ADAMTS5: variants seen among roughly 807,000 people sequenced by gnomAD.
ADAMTS5 encodes the protein A disintegrin and metalloproteinase with thrombospondin motifs 5.
Under a neutral mutation model 81.4 loss-of-function variants are expected in ADAMTS5, and 54 were observed. The ratio of observed to expected loss-of-function variants is 0.66; its 90% confidence interval spans 0.53 to 0.83. The LOEUF (loss-of-function observed/expected upper bound fraction) is 0.83, where lower values mean the gene tolerates loss of function less well. Ranked by LOEUF, ADAMTS5 falls within the 40% of genes least tolerant of loss-of-function variation. The pLI is 0.00. For synonymous variants in ADAMTS5, 532 were observed against 508.8 expected (o/e 1.05, Z -0.61); for missense variants, 1,194 against 1,229.9 (o/e 0.97, Z 0.44).
intron 7 of ADAMTS5, among the ~76,000 whole-genome samples, chr21:26,926,139 C>T (rs1000137267): frequency 5.3e-5 from 8 of 152,124 alleles, no homozygotes; most frequent in Non-Finnish European, 1.2e-4. Context: ...GGGATGGTGG[C>T]GCATGCCTAT....
intron 1 of ADAMTS5, among the ~76,000 whole-genome samples, chr21:26,955,836 C>A (rs1371710959): frequency 6.6e-6 from 1 of 152,084 alleles, no homozygotes; most frequent in Non-Finnish European, 1.5e-5. Context: ...TCCCAAAGAG[C>A]AAGATCGTGT....
intron 7 of ADAMTS5, 148 bp downstream of exon 7, chr21:26,929,738 C>T: frequency 1.6e-6 from 1 of 644,278 alleles, no homozygotes; most frequent in Non-Finnish European, 2.3e-6. Context: ...CTGTCTCTTC[C>T]TTCTCATATT....
intron 1 of ADAMTS5, among the ~76,000 whole-genome samples, chr21:26,962,212 A>G (rs1170189058): frequency 2.7e-5 from 1 of 37,468 alleles, no homozygotes; most frequent in Non-Finnish European, 5.8e-5. Flanking sequence ...CAAATGGTCT[A>G]AAAAAAAACG....
chr21:26,918,073 C>A lies in ADAMTS5; in HGVS notation c.*5980G>T, dbSNP rs1359173405. 6.6e-6 allele frequency: 1 copy of A among 152,316 alleles called. No individual in the cohort carries two copies. The highest frequency in any genetic ancestry group is 2.4e-5 in the African/African-American group (1 of 41,408). 9.4% of individuals were successfully genotyped at this position (152,316 alleles called of 1,614,324 possible). On this transcript the variant is annotated 3_prime_UTR_variant, in exon 8 of 8. Coordinates refer to ENST00000284987, the MANE Select transcript of ADAMTS5 (RefSeq NM_007038.5). ...AGTATAGGTCCCAAACGGCTCAGTT[C>A]AAGTCTTTTACCTGAATAACAGAGC...
Position 26,932,857 on chromosome 21 carries a change from G to T in ADAMTS5, c.1873+4C>A, listed in dbSNP as rs191241552. ...ATGGTTGCTGACACTTGGGAGCAGC[G>T]TACCATTGGGTGGGCAGGGCATGAG... On this transcript the variant is annotated splice_donor_region_variant and intron_variant, in intron 5 of 7. Coordinates refer to ENST00000284987, the MANE Select transcript of ADAMTS5 (RefSeq NM_007038.5). 1 of 1,604,068 alleles carries T rather than the reference G, an allele frequency of 6.2e-7. No individual in the cohort carries two copies. Among genetic ancestry groups the T allele is most frequent in the South Asian group, 1.1e-5 (1 of 88,952 alleles).
intron 2 of ADAMTS5, among the ~76,000 whole-genome samples, chr21:26,951,764 G>A (rs543893051): frequency 9.3e-5 from 13 of 140,182 alleles, no homozygotes; most frequent in African/African-American, 3.5e-4. Context: ...AATTAGAATC[G>A]AGAGCATGGT....
chr21:26,926,411 A>G (rs1043993767), intron 7 of ADAMTS5, among the ~76,000 whole-genome samples: 3 of 152,172 alleles, frequency 2.0e-5, no homozygotes, highest in Non-Finnish European at 4.4e-5. Flanking sequence ...CGTGGCTCAC[A>G]CCTGTAATCC....
rs994517613 is a variant in ADAMTS5 at position 26,922,107 on chromosome 21, A to G, written c.*1946T>C. The G allele has an allele frequency of 5.9e-5, 9 of 151,906 alleles. No individual in the cohort carries two copies. The highest frequency in any genetic ancestry group is 7.2e-5 in the African/African-American group (3 of 41,388). The allele number at this position is 151,906 out of a possible 1,614,324, so 9.4% of individuals were successfully genotyped here. On this transcript the variant is annotated 3_prime_UTR_variant, in exon 8 of 8. Coordinates refer to ENST00000284987, the MANE Select transcript of ADAMTS5 (RefSeq NM_007038.5). ...ACTAGGTTTGCTTTCTGCCCTTGGC[A>G]TTGGGTGATCTCCATCACATATAGG...
chr21:26,964,579 GA>G (rs1162026311), intron 1 of ADAMTS5, among the ~76,000 whole-genome samples: 1 of 152,186 alleles, frequency 6.6e-6, no homozygotes, highest in Non-Finnish European at 1.5e-5. Flanking sequence ...CAGTGCTTGC[GA>G]CGCACTGGTC....
chr21:26,937,170 C>A (rs1311843429), intron 3 of ADAMTS5, among the ~76,000 whole-genome samples: 2 of 149,734 alleles, frequency 1.3e-5, no homozygotes, highest in African/African-American at 4.9e-5. Context: ...TTCTACCTCA[C>A]TAGTAGATGA....
chr21:26,964,293 C>T (rs569384956), intron 1 of ADAMTS5, among the ~76,000 whole-genome samples: 1 of 152,254 alleles, frequency 6.6e-6, no homozygotes, highest in South Asian at 2.1e-4. Flanking sequence ...CCAAACCAAC[C>T]CAGACTTTTT....
rs530157538 is a variant in ADAMTS5, at chr21:26,923,830, C to G, written c.*223G>C. 2.5e-5 allele frequency: 12 copies of G among 483,760 alleles called. No individual in the cohort carries two copies. The South Asian group carries it at 4.2e-4, about 17-fold the overall frequency. The allele number at this position is 483,760 out of a possible 1,614,324, so 30.0% of individuals were successfully genotyped here. ...GTTTCTTGTAAGCCCAGGGGATGTT[C>G]AATAACTCCCAAGTTTTTCTATATT... On this transcript the variant is annotated 3_prime_UTR_variant, in exon 8 of 8. Transcript: ENST00000284987.
At chr21:26,949,479 A>G (rs1217111262) in intron 2 of ADAMTS5, among the ~76,000 whole-genome samples, 4 of 152,100 alleles carry the variant, frequency 2.6e-5, no homozygotes, top group Admixed American at 2.0e-4. Flanking sequence ...ACACCAGCCA[A>G]CAAGCTTTGA....
intron 2 of ADAMTS5, among the ~76,000 whole-genome samples, chr21:26,948,346 G>T (rs887689747): frequency 2.0e-5 from 3 of 152,156 alleles, no homozygotes; most frequent in Non-Finnish European, 4.4e-5. Context: ...CTGACCAATG[G>T]TCAAGGGGAC....
chr21:26,961,265 A>C (rs1218254502), intron 1 of ADAMTS5, among the ~76,000 whole-genome samples: 1 of 152,238 alleles, frequency 6.6e-6, no homozygotes, highest in Non-Finnish European at 1.5e-5. Flanking sequence ...TTAATTGTAA[A>C]ATAGTTTGTG....
chr21:26,935,629 T>C (rs1336944691), intron 3 of ADAMTS5, among the ~76,000 whole-genome samples: 2 of 152,152 alleles, frequency 1.3e-5, no homozygotes, highest in Non-Finnish European at 2.9e-5. Flanking sequence ...TTGCATCATA[T>C]ATGAGGGTGT....
At chr21:26,932,727 G>C (rs1986935398) in intron 5 of ADAMTS5, 134 bp downstream of exon 5, 7 of 995,380 alleles carry the variant, frequency 7.0e-6, no homozygotes, top group Non-Finnish European at 9.7e-6. Flanking sequence ...ATAGGTGTTT[G>C]TTATTGATCT....
Position 26,934,636 on chromosome 21 carries a change from C to G in ADAMTS5, c.1519G>C (p.Val507Leu), listed in dbSNP as rs748614241. The G allele has an allele frequency of 6.2e-6, 10 of 1,614,062 alleles. No homozygotes were observed. Among genetic ancestry groups the G allele is most frequent in the Non-Finnish European group, 6.8e-6 (8 of 1,180,052 alleles). Residue 507 changes from valine to leucine, a missense_variant, in exon 4 of 8, where the codon GTG (valine) becomes CTG (leucine). By Grantham distance (32) the Val-to-Leu change is conservative. This residue lies in a region of ADAMTS5 where 696 missense variants were observed against 817.6 expected (regional missense o/e 0.85). Transcript: ENST00000284987. ...GCACAGACATCCATGCCGGGACACA[C>G]GGAGTACTCAGGCCCGAATGTCAGG... ...CNLTFGPEYSVCPGMDVCARL... is the reference protein window; with the variant it reads ...CNLTFGPEYSLCPGMDVCARL...
intron 2 of ADAMTS5, among the ~76,000 whole-genome samples, chr21:26,945,236 A>T (rs560924439): frequency 6.6e-6 from 1 of 152,026 alleles, no homozygotes; most frequent in Non-Finnish European, 1.5e-5. Flanking sequence ...CTGATATCGC[A>T]CTCTACACTT....
Sources: gnomAD v4.1 joint callset for allele counts (sites outside exome capture counted in the v4.1 genomes callset) on GRCh38, gnomAD v4.1.1 for gene constraint, gnomAD v4.1.1 regional missense constraint, MANE v1.5 for transcripts, NCBI Gene and HGNC (gene_info 2026-07-23, HGNC 2026-07-21) for gene names.